The following OSBPL6 variants were observed in gnomAD, a reference collection of about 807,000 sequenced individuals.
OSBPL6 encodes oxysterol binding protein like 6.
Under a neutral mutation model 125.8 loss-of-function variants are expected in OSBPL6, and 49 were observed. The ratio of observed to expected loss-of-function variants is 0.39; its 90% CI spans 0.31 to 0.49. The LOEUF is 0.49. Among genes scored for constraint, OSBPL6 ranks in the 20% least tolerant of loss-of-function variants. OSBPL6 has a pLI of 0.88. For synonymous variants in OSBPL6, 394 were observed against 391.8 expected, an observed-to-expected ratio of 1.01 and a Z score of -0.07; for missense variants, 986 against 1,135.4, an observed-to-expected ratio of 0.87 and a Z score of 1.89.
intron 1 of OSBPL6, among the ~76,000 whole-genome samples, chr2:178,212,386 A>C (rs1340879493): frequency 6.6e-6 from 1 of 152,108 alleles, no homozygotes; most frequent in Non-Finnish European, 1.5e-5. Flanking sequence ...AATACTTCCT[A>C]TCGGTTCAGT....
chr2:178,233,599 G>A (rs1367520559), intron 1 of OSBPL6, among the ~76,000 whole-genome samples: 1 of 152,184 alleles, frequency 6.6e-6, no homozygotes, highest in Non-Finnish European at 1.5e-5. Flanking sequence ...ATGACTCAGA[G>A]CATCATCCTG....
chr2:178,371,145 G>A (rs531545660), intron 13 of OSBPL6, among the ~76,000 whole-genome samples: 1 of 152,288 alleles, frequency 6.6e-6, no homozygotes, highest in South Asian at 2.1e-4. Flanking sequence ...TCTAATCGCT[G>A]ATCTTAATGG....
intron 1 of OSBPL6, among the ~76,000 whole-genome samples, chr2:178,228,328 G>A (rs1286653776): frequency 6.6e-6 from 1 of 152,182 alleles, no homozygotes; most frequent in African/African-American, 2.4e-5. Flanking sequence ...GAGGTCAGGA[G>A]ATCGAGACCA....
chr2:178,251,055 G>A (rs74405420), intron 1 of OSBPL6, among the ~76,000 whole-genome samples: 105 of 152,290 alleles, frequency 6.9e-4, no homozygotes, highest in African/African-American at 2.5e-3. Flanking sequence ...AGAAGAGTGA[G>A]TGTGTATTTG....
chr2:178,213,205 T>G (rs1424734379), intron 1 of OSBPL6, among the ~76,000 whole-genome samples: 1 of 152,054 alleles, frequency 6.6e-6, no homozygotes, highest in Non-Finnish European at 1.5e-5. Context: ...ATCCTCAGTC[T>G]TCTCACTCCA....
At position 178,249,053 on chromosome 2, in the gene OSBPL6, C is replaced by T. The variant is rs1006823073; in HGVS notation, c.-350-35874C>T. ...CCCGGTTCAAGTGATTCTCCTGCCT[C>T]GGCCTCCTGAGTAGCTGGGATTATA... On this transcript the variant is annotated intron_variant, in intron 1 of 24. Transcript: ENST00000190611. Among the ~76,000 whole-genome samples the T allele has an allele frequency of 3.3e-5, 5 of 152,260 alleles. No individual in the cohort carries two copies. The East Asian group carries it at 9.7e-4, about 29-fold the overall frequency.
chr2:178,316,492 T>C (rs1201540480), intron 3 of OSBPL6, among the ~76,000 whole-genome samples: 1 of 152,214 alleles, frequency 6.6e-6, no homozygotes, highest in Non-Finnish European at 1.5e-5. Context: ...TGCTTTTGAA[T>C]ATTTAATGCT....
chr2:178,358,600 A>C (rs1692039684), intron 12 of OSBPL6, among the ~76,000 whole-genome samples: 2 of 152,202 alleles, frequency 1.3e-5, no homozygotes. Flanking sequence ...AAGTGAGCTA[A>C]AAATAGATAA....
chr2:178,204,025 C>CTTTTTTTT (rs1166160655), intron 1 of OSBPL6, among the ~76,000 whole-genome samples: 14 of 128,996 alleles, frequency 1.1e-4, no homozygotes, highest in African/African-American at 2.9e-4. Context: ...TTTTCTTTTT[C>CTTTTTTTT]TTTTTTTTTT....
At chr2:178,234,980 T>G (rs1447331024) in intron 1 of OSBPL6, among the ~76,000 whole-genome samples, 1 of 152,184 alleles carries the variant, frequency 6.6e-6, no homozygotes, top group Non-Finnish European at 1.5e-5. Flanking sequence ...TCTTACCACC[T>G]TATCAAATAT....
intron 1 of OSBPL6, among the ~76,000 whole-genome samples, chr2:178,266,773 TG>T (rs2092244663): frequency 6.6e-6 from 1 of 152,254 alleles, no homozygotes; most frequent in African/African-American, 2.4e-5. Flanking sequence ...TCTTTCAACT[TG>T]CCCCCATTTG....
At chr2:178,377,488 A>G (rs1181342185) in intron 15 of OSBPL6, among the ~76,000 whole-genome samples, 1 of 152,186 alleles carries the variant, frequency 6.6e-6, no homozygotes, top group African/African-American at 2.4e-5. Flanking sequence ...CACACATCCA[A>G]ACTGTATCAC....
intron 1 of OSBPL6, among the ~76,000 whole-genome samples, chr2:178,268,344 A>G (rs2154023083): frequency 6.6e-6 from 1 of 152,288 alleles, no homozygotes; most frequent in South Asian, 2.1e-4. Context: ...AGCCTCCCAA[A>G]GTGCTAGGAT....
intron 1 of OSBPL6, among the ~76,000 whole-genome samples, chr2:178,219,046 C>A (rs910459530): frequency 7.9e-5 from 12 of 152,048 alleles, no homozygotes; most frequent in African/African-American, 2.9e-4. Flanking sequence ...TCCCTACTTA[C>A]CTGCTTTGAC....
At chr2:178,239,597 TTTATTTATTTA>T (rs1559149900) in intron 1 of OSBPL6, among the ~76,000 whole-genome samples, 93 of 29,970 alleles carry the variant, frequency 3.1e-3, no homozygotes, top group Non-Finnish European at 4.4e-3. Context: ...CTTTATTTTA[TTTATTTATTTA>T]TTTATTTATT....
chr2:178,225,085 C>T (rs923134442), intron 1 of OSBPL6, among the ~76,000 whole-genome samples: 20 of 151,426 alleles, frequency 1.3e-4, no homozygotes, highest in South Asian at 2.1e-4. Context: ...TATGCCAGGA[C>T]GGCTATTATG....
At chr2:178,386,105 G>A (rs539736821) in intron 19 of OSBPL6, among the ~76,000 whole-genome samples, 1 of 152,332 alleles carries the variant, frequency 6.6e-6, no homozygotes, top group South Asian at 2.1e-4. Flanking sequence ...AGTGTAAATA[G>A]TTCCTTCGTG....
chr2:178,350,319 A>T (rs1691136278), intron 12 of OSBPL6, among the ~76,000 whole-genome samples: 1 of 152,194 alleles, frequency 6.6e-6, no homozygotes, highest in Admixed American at 6.5e-5. Flanking sequence ...TCAGCCACTC[A>T]AGTTTGTTCT....
At chr2:178,332,485 C>A (rs978142570) in intron 6 of OSBPL6, among the ~76,000 whole-genome samples, 156 bp from the exon 7 acceptor site, 5 of 152,132 alleles carry the variant, frequency 3.3e-5, no homozygotes, top group African/African-American at 1.2e-4. Context: ...GAACCTAATC[C>A]ATAGAACCTT....
Sources: allele counts gnomAD v4.1 joint callset (sites outside exome capture counted in the v4.1 genomes callset), GRCh38; gene constraint gnomAD v4.1.1; transcripts MANE v1.5; gene names NCBI Gene and HGNC (gene_info 2026-07-23, HGNC 2026-07-21).